Variants in CSMD1 observed in about 807,000 individuals in gnomAD.
CSMD1 encodes the protein CUB and Sushi multiple domains 1, also known as CUB and sushi domain-containing protein 1.
In CSMD1, 213 loss-of-function variants were observed where a neutral mutation model predicts 417.5. That is an observed-to-expected ratio of 0.51 (90% CI 0.46 to 0.57). The LOEUF is 0.57. Among genes scored for constraint, CSMD1 ranks in the 20% least tolerant of loss-of-function variants. The pLI is 0.00. For synonymous variants in CSMD1, 2,862 were observed against 1,736.8 expected (o/e 1.65, Z -16.11); for missense variants, 6,923 against 4,529.7 (o/e 1.53, Z -15.17).
chr8:4,519,499 G>T (rs984863058), intron 2 of CSMD1, among the ~76,000 whole-genome samples: 1 of 151,798 alleles, frequency 6.6e-6, no homozygotes, highest in East Asian at 1.9e-4. Flanking sequence ...CAGCACTTTG[G>T]GAGGCCAAGC....
chr8:4,423,630 T>A lies in CSMD1; in HGVS notation c.303-3565A>T, dbSNP rs949696508. On this transcript the variant is annotated intron_variant, in intron 2 of 69. Transcript: ENST00000635120. ...CAATAATGTAAAGATATAGGTTACT[T>A]CCAAACTGATACACAGGTTTTACAC... Among the ~76,000 whole-genome samples the A allele has an allele frequency of 3.3e-5, 5 of 152,024 alleles. No homozygotes were observed. The South Asian group carries it at 1.0e-3, about 31-fold the overall frequency.
intron 3 of CSMD1, among the ~76,000 whole-genome samples, chr8:4,177,343 C>A (rs907242625): frequency 6.6e-5 from 10 of 151,894 alleles, no homozygotes; most frequent in African/African-American, 2.2e-4. Flanking sequence ...GGGTACATAA[C>A]GAAATGACGG....
At chr8:4,991,011 G>T (rs1392069285) in intron 1 of CSMD1, among the ~76,000 whole-genome samples, 2 of 152,126 alleles carry the variant, frequency 1.3e-5, no homozygotes, top group Non-Finnish European at 2.9e-5. Context: ...TCAAAATGAG[G>T]CTGCTCTGGC....
intron 49 of CSMD1, among the ~76,000 whole-genome samples, chr8:3,086,685 A>T (rs768721195): frequency 5.9e-5 from 9 of 152,252 alleles, no homozygotes; most frequent in African/African-American, 4.8e-5. Context: ...TTTAAATAAC[A>T]AAACAAAATC....
At chr8:4,202,225 A>C (rs75766359) in intron 3 of CSMD1, among the ~76,000 whole-genome samples, 2,400 of 152,238 alleles carry the variant, frequency 0.016, 32 homozygotes, top group Middle Eastern at 0.061. Context: ...TGACTATTTG[A>C]TGAATTATGC....
intron 1 of CSMD1, among the ~76,000 whole-genome samples, chr8:4,933,789 T>C (rs941430280): frequency 6.6e-6 from 1 of 152,348 alleles, no homozygotes. Flanking sequence ...CTCTCTTCCT[T>C]CTAAAGGGAC....
chr8:4,386,896 G>A (rs1286889938), intron 3 of CSMD1, among the ~76,000 whole-genome samples: 1 of 152,190 alleles, frequency 6.6e-6, no homozygotes, highest in Non-Finnish European at 1.5e-5. Flanking sequence ...ATAGTATCAT[G>A]AATAGTTAAA....
chr8:4,069,647 C>G (rs1449999234), intron 3 of CSMD1, among the ~76,000 whole-genome samples: 1 of 152,158 alleles, frequency 6.6e-6, no homozygotes, highest in Non-Finnish European at 1.5e-5. Context: ...CTGCAGCTTC[C>G]TGGGCCATGG....
chr8:3,538,920 C>T (rs909955849), intron 10 of CSMD1, among the ~76,000 whole-genome samples: 1 of 152,188 alleles, frequency 6.6e-6, no homozygotes, highest in African/African-American at 2.4e-5. Flanking sequence ...CTGCACACAG[C>T]CGCCAGAGCA....
At chr8:3,962,833 G>T (rs887876547) in intron 5 of CSMD1, among the ~76,000 whole-genome samples, 1 of 152,138 alleles carries the variant, frequency 6.6e-6, no homozygotes, top group Non-Finnish European at 1.5e-5. Context: ...CATTTTACAT[G>T]TTGTGATAAA....
At chr8:3,952,296 A>G (rs1438605204) in intron 5 of CSMD1, among the ~76,000 whole-genome samples, 4 of 152,182 alleles carry the variant, frequency 2.6e-5, no homozygotes, top group Non-Finnish European at 4.4e-5. Context: ...GGCTACGCGA[A>G]AGGTGTCGTG....
chr8:3,360,390 C>G (rs1264531573), intron 20 of CSMD1, among the ~76,000 whole-genome samples: 2 of 152,218 alleles, frequency 1.3e-5, no homozygotes, highest in African/African-American at 2.4e-5. Flanking sequence ...TAATTGAGCT[C>G]TGGCTGTCAC....
At chr8:3,706,656 C>CA (rs1361555689) in intron 7 of CSMD1, among the ~76,000 whole-genome samples, 2 of 152,102 alleles carry the variant, frequency 1.3e-5, no homozygotes, top group African/African-American at 4.8e-5. Context: ...ATCTGATGCC[C>CA]AAATGATCGG....
chr8:4,213,173 G>T (rs765790148), intron 3 of CSMD1, among the ~76,000 whole-genome samples: 27 of 152,138 alleles, frequency 1.8e-4, no homozygotes, highest in Non-Finnish European at 2.8e-4. Flanking sequence ...CAAATGGGGA[G>T]AGACATAGTT....
At chr8:4,956,918 C>A (rs1448730568) in intron 1 of CSMD1, among the ~76,000 whole-genome samples, 1 of 152,170 alleles carries the variant, frequency 6.6e-6, no homozygotes, top group African/African-American at 2.4e-5. Flanking sequence ...TTTTTGTCCA[C>A]ATTCAATTGC....
At chr8:3,753,845 C>A in intron 6 of CSMD1, 85 bp downstream of exon 6, 1 of 864,614 alleles carries the variant, frequency 1.2e-6, no homozygotes, top group South Asian at 1.7e-5. Flanking sequence ...GCTATTTATC[C>A]AACTCCTAAA....
At chr8:4,365,269 G>A (rs1584961946) in intron 3 of CSMD1, among the ~76,000 whole-genome samples, 1 of 152,260 alleles carries the variant, frequency 6.6e-6, no homozygotes, top group African/African-American at 2.4e-5. Flanking sequence ...CTTTCTTAAA[G>A]AAAAACTGTA....
chr8:2,963,452 G>T, intron 59 of CSMD1, 57 bp from the exon 60 acceptor site: 2 of 1,532,566 alleles, frequency 1.3e-6, no homozygotes, highest in East Asian at 2.3e-5. Flanking sequence ...CAGCGGTGAT[G>T]TTCAAACGAT....
chr8:3,708,289 G>C lies in CSMD1; in HGVS notation c.1009+125C>G, dbSNP rs78412595. ...TTCTTTCTCCCAGAAAATACTTTTG[G>C]ATATAGAAAAGAAGGAAGAGATAAC... is the stretch of plus-strand genomic sequence containing the variant. On this transcript the variant is annotated intron_variant, in intron 7 of 69. Coordinates refer to ENST00000635120, the MANE Select transcript of CSMD1 (RefSeq NM_033225.6). The C allele has an allele frequency of 3.3e-4, 238 of 721,618 alleles. No individual in the cohort carries two copies. The African/African-American group carries it at 4.0e-3, about 12-fold the overall frequency. The allele number at this position is 721,618 out of a possible 1,614,324, so 44.7% of individuals were successfully genotyped here.
Sources: gnomAD v4.1 joint callset for allele counts (sites outside exome capture counted in the v4.1 genomes callset) on GRCh38, gnomAD v4.1.1 for gene constraint, MANE v1.5 for transcripts, NCBI Gene and HGNC (gene_info 2026-07-23, HGNC 2026-07-21) for gene names.